The following TUSC3 variants were observed in gnomAD, a reference collection of about 807,000 sequenced individuals.
TUSC3 encodes the protein dolichyl-diphosphooligosaccharide--protein glycosyltransferase subunit TUSC3.
In TUSC3, 45 loss-of-function variants were observed where a neutral mutation model predicts 44.8. The ratio of observed to expected loss-of-function variants is 1.00; its 90% CI spans 0.79 to 1.29. The LOEUF is 1.29. Among genes scored for constraint, TUSC3 ranks in the 50% most tolerant of loss-of-function variants. The pLI, the probability that TUSC3 is intolerant of heterozygous loss-of-function variation, is 0.00. For synonymous variants in TUSC3, 212 were observed against 152.9 expected (o/e 1.39, Z -2.85); for missense variants, 519 against 437.9 (o/e 1.19, Z -1.65).
intron 2 of TUSC3, among the ~76,000 whole-genome samples, chr8:15,628,479 T>G (rs1005103205): frequency 6.6e-6 from 1 of 152,210 alleles, no homozygotes; most frequent in African/African-American, 2.4e-5. Flanking sequence ...ACTTAGCATT[T>G]TAAAAGAGTT....
intron 6 of TUSC3, among the ~76,000 whole-genome samples, chr8:15,720,018 A>G (rs753463873): frequency 6.6e-6 from 1 of 152,164 alleles, no homozygotes; most frequent in East Asian, 1.9e-4. Context: ...TCCTGGGCTT[A>G]AGTGATCCTC....
intron 1 of TUSC3, among the ~76,000 whole-genome samples, chr8:15,432,146 C>G (rs951696508): frequency 6.6e-6 from 1 of 151,912 alleles, no homozygotes; most frequent in Non-Finnish European, 1.5e-5. Flanking sequence ...GGAAGTGTTC[C>G]TCCTCCTCAA....
intron 1 of TUSC3, among the ~76,000 whole-genome samples, chr8:15,424,663 G>T: frequency 6.6e-6 from 1 of 152,102 alleles, no homozygotes. Flanking sequence ...GATGGATCAC[G>T]AGGTCAGGAG....
chr8:15,668,144 C>G (rs1807760831), intron 5 of TUSC3, among the ~76,000 whole-genome samples: 1 of 151,704 alleles, frequency 6.6e-6, no homozygotes, highest in Admixed American at 6.6e-5. Flanking sequence ...GTAGCCACAG[C>G]ATTTAGAATT....
At chr8:15,519,324 T>C (rs1027671683) in intron 2 of TUSC3, among the ~76,000 whole-genome samples, 1 of 152,210 alleles carries the variant, frequency 6.6e-6, no homozygotes, top group African/African-American at 2.4e-5. Flanking sequence ...GTATATTTCA[T>C]ATAATCAGCA....
intron 1 of TUSC3, among the ~76,000 whole-genome samples, chr8:15,605,552 T>A (rs1361447505): frequency 9.9e-5 from 15 of 151,918 alleles, no homozygotes; most frequent in Non-Finnish European, 1.6e-4. Flanking sequence ...AAAATTTTTT[T>A]AAGATATGTG....
intron 2 of TUSC3, among the ~76,000 whole-genome samples, chr8:15,505,258 G>A (rs914630697): frequency 6.6e-6 from 1 of 152,126 alleles, no homozygotes; most frequent in Non-Finnish European, 1.5e-5. Flanking sequence ...AAACAAGAAG[G>A]CTTTGTCAAT....
At position 15,544,844 on chromosome 8, in the gene TUSC3, T is replaced by C. The variant is rs142412328; in HGVS notation, c.138+4276T>C. Among the ~76,000 whole-genome samples, 686 of 151,896 alleles carry C rather than the reference T, an allele frequency of 4.5e-3. 6 individuals are homozygous for C. Among genetic ancestry groups the C allele is most frequent in the African/African-American group, 0.016 (653 of 41,532 alleles). ...GCAATGTGATTTCACTTAGGTTAGA[T>C]TGTATGTATGACCACCCCTTGAAGC... On this transcript the variant is annotated intron_variant, in intron 1 of 10. Coordinates refer to ENST00000503731, the MANE Select transcript of TUSC3 (RefSeq NM_006765.4).
chr8:15,719,056 T>C (rs1810186472), intron 6 of TUSC3, among the ~76,000 whole-genome samples: 1 of 152,118 alleles, frequency 6.6e-6, no homozygotes, highest in Non-Finnish European at 1.5e-5. Context: ...TCAGCATCTT[T>C]TGTCTGGATT....
the TUSC3 span, chr8:15,806,260 G>T: frequency 1.7e-6 from 1 of 585,394 alleles, no homozygotes. Flanking sequence ...CCTCCAGGTG[G>T]CAGTCTGGGG....
chr8:15,692,248 A>G (rs1248253327), intron 6 of TUSC3, among the ~76,000 whole-genome samples: 2 of 149,342 alleles, frequency 1.3e-5, no homozygotes, highest in Non-Finnish European at 3.0e-5. Flanking sequence ...GGATTTTTGG[A>G]TCCATGTTCA....
the TUSC3 span, among the ~76,000 whole-genome samples, chr8:15,826,019 T>C: frequency 2.0e-5 from 3 of 152,182 alleles, no homozygotes; most frequent in East Asian, 5.8e-4. Context: ...TTTTAGCTGC[T>C]ACTGAAGTGT....
chr8:15,726,586 A>C (rs1048965511), intron 6 of TUSC3, among the ~76,000 whole-genome samples: 3 of 152,142 alleles, frequency 2.0e-5, no homozygotes, highest in Non-Finnish European at 2.9e-5. Flanking sequence ...TGGCCGGATC[A>C]CTTGAGGTCA....
At chr8:15,578,794 T>A (rs1464363529) in intron 1 of TUSC3, among the ~76,000 whole-genome samples, 1 of 152,138 alleles carries the variant, frequency 6.6e-6, no homozygotes, top group African/African-American at 2.4e-5. Context: ...GTTGTGTCTC[T>A]GCCTGGCTTT....
chr8:15,564,230 A>C (rs948782295), intron 1 of TUSC3, among the ~76,000 whole-genome samples: 8 of 152,118 alleles, frequency 5.3e-5, no homozygotes, highest in Non-Finnish European at 1.2e-4. Flanking sequence ...GAGGTTATTA[A>C]TATTATGGAG....
At chr8:15,851,805 A>G in the TUSC3 span, among the ~76,000 whole-genome samples, 18 of 152,090 alleles carry the variant, frequency 1.2e-4, no homozygotes, top group Admixed American at 1.2e-3. Flanking sequence ...ATCTTCACCC[A>G]CATCTCATTT....
At chr8:15,458,802 G>A (rs988887814) in intron 1 of TUSC3, among the ~76,000 whole-genome samples, 1 of 152,160 alleles carries the variant, frequency 6.6e-6, no homozygotes, top group Admixed American at 6.5e-5. Flanking sequence ...GTTTATCTTT[G>A]CAAGGACAAA....
intron 6 of TUSC3, among the ~76,000 whole-genome samples, chr8:15,723,903 G>C (rs17612429): frequency 6.6e-6 from 1 of 152,120 alleles, no homozygotes; most frequent in Non-Finnish European, 1.5e-5. Flanking sequence ...GATAGGTTTT[G>C]AAGTGCTATC....
At chr8:15,785,454 C>CT in the TUSC3 span, among the ~76,000 whole-genome samples, 731 of 143,812 alleles carry the variant, frequency 5.1e-3, 5 homozygotes, top group African/African-American at 0.014. Flanking sequence ...TTTTTCATTC[C>CT]TTTTTTTTTT....
Sources: allele counts gnomAD v4.1 joint callset (sites outside exome capture counted in the v4.1 genomes callset), GRCh38; gene constraint gnomAD v4.1.1; transcripts MANE v1.5; gene names NCBI Gene and HGNC (gene_info 2026-07-23, HGNC 2026-07-21).